JAK2: variants seen among roughly 807,000 people sequenced by gnomAD.
The protein encoded by JAK2 is tyrosine-protein kinase JAK2.
JAK2 carries 86 observed loss-of-function variants against 139.3 expected under a neutral mutation model. The ratio of observed to expected loss-of-function variants is 0.62; its 90% confidence interval spans 0.52 to 0.74. JAK2 has a LOEUF of 0.74. Among genes scored for constraint, JAK2 ranks in the 30% least tolerant of loss-of-function variants. The probability of loss-of-function intolerance (pLI) is 0.00; values close to 1 mark genes in which losing one functional copy is unlikely to be tolerated. For synonymous variants in JAK2, 490 were observed against 437.7 expected (o/e 1.12, Z -1.49); for missense variants, 1,421 against 1,360.3 (o/e 1.04, Z -0.70).
intron 8 of JAK2, among the ~76,000 whole-genome samples, chr9:5,056,166 A>C (rs565859785): frequency 6.6e-6 from 1 of 152,248 alleles, no homozygotes; most frequent in Non-Finnish European, 1.5e-5. Context: ...TAAAGGAGAA[A>C]AAATAAATCA....
At chr9:5,019,369 G>A (rs987343296) in intron 2 of JAK2, among the ~76,000 whole-genome samples, 1 of 151,708 alleles carries the variant, frequency 6.6e-6, no homozygotes, top group African/African-American at 2.4e-5. Context: ...TCAGTTTCAG[G>A]GTTTCTTGTT....
chr9:5,014,457 C>G (rs955955293), intron 2 of JAK2, among the ~76,000 whole-genome samples: 5 of 152,140 alleles, frequency 3.3e-5, no homozygotes, highest in Non-Finnish European at 7.3e-5. Context: ...CATTAAGGTT[C>G]TTACCTTCAA....
rs1824121140 is a variant in JAK2 at position 5,128,095 on chromosome 9, T to TGTGTGC, written c.*1309_*1310insCGTGTG. On this transcript the variant is annotated 3_prime_UTR_variant, in exon 25 of 25. Transcript: ENST00000381652. ...ATGGTGGGTTTTGTGTGTGTGTGTG[T>TGTGTGC]GTGTGTGTGTGTGTGTGTGTGTGTG... 4.3e-6 allele frequency: 1 copy of TGTGTGC among 231,418 alleles called. No individual in the cohort carries two copies. Among genetic ancestry groups the TGTGTGC allele is most frequent in the African/African-American group, 2.2e-5 (1 of 44,920 alleles). The allele number at this position is 231,418 out of a possible 1,614,324, so 14.3% of individuals were successfully genotyped here.
At chr9:5,012,949 A>C (rs1485331591) in intron 2 of JAK2, among the ~76,000 whole-genome samples, 3 of 152,192 alleles carry the variant, frequency 2.0e-5, no homozygotes, top group Non-Finnish European at 4.4e-5. Flanking sequence ...CAGGAGAGAA[A>C]TAATAGCTGT....
At chr9:5,002,011 C>T (rs4587378) in intron 2 of JAK2, among the ~76,000 whole-genome samples, 102,205 of 151,708 alleles carry the variant, frequency 0.67, 35,894 homozygotes, top group African/African-American at 0.89. Flanking sequence ...AAATCTGTAG[C>T]GATATCCTGC....
chr9:5,060,375 T>A (rs1381623862), intron 8 of JAK2, among the ~76,000 whole-genome samples: 1 of 152,146 alleles, frequency 6.6e-6, no homozygotes, highest in Non-Finnish European at 1.5e-5. Context: ...TTTGGTAACA[T>A]TTTACCCACA....
Position 5,042,417 on chromosome 9 carries a change from G to A in JAK2, c.351-1986G>A, listed in dbSNP as rs539930755. ...CTCCCAAAGTGCTGGGATTACAGGC[G>A]TGAGCCACCGCGCCCGGCCAAGACT... is the stretch of plus-strand genomic sequence containing the variant. On this transcript the variant is annotated intron_variant, in intron 4 of 24. Transcript: ENST00000381652. 6.6e-5 allele frequency among the ~76,000 whole-genome samples: 10 copies of A among 152,192 alleles called. 1 individual carries two copies. The South Asian group carries it at 2.1e-3, about 32-fold the overall frequency.
intron 2 of JAK2, among the ~76,000 whole-genome samples, chr9:4,998,407 C>T (rs1340502855): frequency 6.6e-6 from 1 of 152,106 alleles, no homozygotes; most frequent in Non-Finnish European, 1.5e-5. Context: ...TAGGCGCGCA[C>T]CACCACGCCC....
chr9:5,029,836 A>T lies in JAK2; in HGVS notation c.280A>T (p.Ile94Phe), dbSNP rs1823026636. ...TGCTTTAATGAGTGAAACAGAAAGG[A>T]TCTGGTATCCACCCAACCATGTCTT... Reference protein sequence around the residue: ...MFALMSETERIWYPPNHVFHI... With the variant: ...MFALMSETERFWYPPNHVFHI... The change falls in exon 4 of 25, where the codon ATC becomes TTC. Residue 94 changes from isoleucine (I) to phenylalanine (F), a missense_variant. Ile to Phe is a conservative substitution (Grantham distance 21). Transcript: ENST00000381652. 1 of 1,611,166 alleles carries T rather than the reference A, an allele frequency of 6.2e-7. No individual in the cohort carries two copies. Among genetic ancestry groups the T allele is most frequent in the South Asian group, 1.1e-5 (1 of 90,936 alleles).
rs749599613 is a variant in JAK2, at chr9:5,069,078, G to A, written c.1383G>A (p.Glu461=). The change falls in exon 11 of 25, where the codon GAG becomes GAA. Residue 461 remains glutamate, a synonymous_variant. Coordinates refer to ENST00000381652, the MANE Select transcript of JAK2 (RefSeq NM_004972.4). ...HCLITKNENE[E]YNLSGTKKNF... Reference sequence around the variant, plus strand: ...TGATTACAAAAAATGAGAATGAAGAGTACAACCTCAGTGGGACAAAGAAGA... The same window carrying A: ...TGATTACAAAAAATGAGAATGAAGAATACAACCTCAGTGGGACAAAGAAGA... 6 of 1,610,268 alleles carry A rather than the reference G, an allele frequency of 3.7e-6. No individual in the cohort carries two copies. The highest frequency in any genetic ancestry group is 1.7e-5 in the Admixed American group (1 of 59,712).
At chr9:5,021,880 G>A (rs987937257) in intron 2 of JAK2, 83 bp from the exon 3 acceptor site, 36 of 721,232 alleles carry the variant, frequency 5.0e-5, no homozygotes, top group African/African-American at 4.8e-4. Flanking sequence ...CTATCTGCCC[G>A]CCTCGGCCCC....
chr9:5,055,929 A>G, intron 8 of JAK2, 141 bp downstream of exon 8: 2 of 687,576 alleles, frequency 2.9e-6, no homozygotes, highest in Non-Finnish European at 4.7e-6. Context: ...CAGTTCAGTA[A>G]ACTTTTTGAT....
At chr9:4,996,465 A>G (rs922319801) in intron 2 of JAK2, among the ~76,000 whole-genome samples, 1 of 152,066 alleles carries the variant, frequency 6.6e-6, no homozygotes, top group Non-Finnish European at 1.5e-5. Context: ...TAAATAAATA[A>G]ATAAATAAAA....
chr9:4,998,253 G>T (rs532250329), intron 2 of JAK2, among the ~76,000 whole-genome samples: 1 of 151,936 alleles, frequency 6.6e-6, no homozygotes, highest in African/African-American at 2.4e-5. Flanking sequence ...AAACTCCAAC[G>T]GGTTTTTTTG....
intron 22 of JAK2, among the ~76,000 whole-genome samples, chr9:5,116,992 C>G (rs1823243449): frequency 6.6e-6 from 1 of 152,208 alleles, no homozygotes; most frequent in Non-Finnish European, 1.5e-5. Context: ...TGACCTCTCC[C>G]TCATGAATGG....
intron 2 of JAK2, among the ~76,000 whole-genome samples, chr9:5,016,497 T>C (rs1405782169): frequency 1.3e-5 from 2 of 152,118 alleles, no homozygotes; most frequent in Non-Finnish European, 2.9e-5. Context: ...AGAAAAATAG[T>C]CAACAAAATT....
chr9:5,009,436 A>G (rs77320802), intron 2 of JAK2, among the ~76,000 whole-genome samples: 1 of 148,584 alleles, frequency 6.7e-6, no homozygotes, highest in Non-Finnish European at 1.5e-5. Flanking sequence ...ACTAGTCAGG[A>G]TTTTTTTTTT....
chr9:5,118,038 G>C (rs1474070317), intron 22 of JAK2, among the ~76,000 whole-genome samples: 1 of 151,956 alleles, frequency 6.6e-6, no homozygotes, highest in Non-Finnish European at 1.5e-5. Flanking sequence ...TGTAAATATT[G>C]ACATTTAAAT....
Position 5,078,347 on chromosome 9 carries a change from T to C in JAK2, c.2034T>C (p.Asn678=), listed in dbSNP as rs1211307257. 7 of 1,612,604 alleles carry C rather than the reference T, an allele frequency of 4.3e-6. No homozygotes were observed. In the East Asian group the frequency reaches 1.1e-4, roughly 26 times the overall value. ...TLIHGNVCAK[N]ILLIREEDRK... ...TTCATGGGAATGTATGTGCCAAAAA[T>C]ATTCTGCTTATCAGAGAAGAAGACA... The change falls in exon 16 of 25, where the codon AAT becomes AAC. Residue 678 remains asparagine, a synonymous_variant. Coordinates refer to ENST00000381652, the MANE Select transcript of JAK2 (RefSeq NM_004972.4).
Sources: allele counts gnomAD v4.1 joint callset (sites outside exome capture counted in the v4.1 genomes callset), GRCh38; gene constraint gnomAD v4.1.1; transcripts MANE v1.5; gene names NCBI Gene and HGNC (gene_info 2026-07-23, HGNC 2026-07-21).